Variants in ATAD1 observed in about 807,000 individuals in gnomAD.
The protein encoded by ATAD1 is outer mitochondrial transmembrane helix translocase.
In ATAD1, 18 loss-of-function variants were observed where a neutral mutation model predicts 42.7. The observed-to-expected ratio is 0.42, with a 90% confidence interval of 0.29 to 0.63. ATAD1 has a LOEUF of 0.63. Among genes scored for constraint, ATAD1 ranks in the 20% least tolerant of loss-of-function variants. The probability of loss-of-function intolerance (pLI) is 0.19; values close to 1 mark genes in which losing one functional copy is unlikely to be tolerated. For missense variants in ATAD1, 294 were observed against 440.4 expected (o/e 0.67, Z 2.98); for synonymous variants, 132 against 143.1 (o/e 0.92, Z 0.55).
At chr10:87,826,022 G>C (rs139877093) in intron 1 of ATAD1, among the ~76,000 whole-genome samples, 1 of 152,168 alleles carries the variant, frequency 6.6e-6, no homozygotes, top group African/African-American at 2.4e-5. Context: ...CTGATTTTAC[G>C]TGTTTAAGGA....
intron 5 of ATAD1, among the ~76,000 whole-genome samples, chr10:87,779,613 A>T (rs539600564): frequency 1.1e-4 from 16 of 152,184 alleles, no homozygotes; most frequent in South Asian, 4.1e-4. Flanking sequence ...ATAAAAAATT[A>T]AAAAATCAAA....
At chr10:87,768,303 A>G (rs761136483) in intron 7 of ATAD1, among the ~76,000 whole-genome samples, 1 of 152,208 alleles carries the variant, frequency 6.6e-6, no homozygotes, top group African/African-American at 2.4e-5. Flanking sequence ...AGAATCCCTC[A>G]GCTATATAGT....
intron 6 of ATAD1, among the ~76,000 whole-genome samples, chr10:87,774,301 T>A (rs1855188352): frequency 6.6e-6 from 1 of 152,232 alleles, no homozygotes; most frequent in South Asian, 2.1e-4. Context: ...GGTTAATTCC[T>A]CATAACAGTT....
intron 8 of ATAD1, among the ~76,000 whole-genome samples, chr10:87,767,206 G>C (rs928452788): frequency 6.6e-6 from 1 of 152,114 alleles, no homozygotes; most frequent in African/African-American, 2.4e-5. Context: ...TAGTTACTGA[G>C]TTACATAAGC....
At chr10:87,781,521 C>T (rs1855556977) in intron 5 of ATAD1, among the ~76,000 whole-genome samples, 1 of 152,196 alleles carries the variant, frequency 6.6e-6, no homozygotes, top group South Asian at 2.1e-4. Flanking sequence ...TCAATTGTAA[C>T]ATGCTATCCT....
chr10:87,804,674 T>C (rs1856843931), intron 2 of ATAD1, among the ~76,000 whole-genome samples: 1 of 152,188 alleles, frequency 6.6e-6, no homozygotes, highest in South Asian at 2.1e-4. Flanking sequence ...CCAGCCTATG[T>C]AGTCTAATTA....
At chr10:87,777,834 A>AC in intron 5 of ATAD1, among the ~76,000 whole-genome samples, 1 of 152,272 alleles carries the variant, frequency 6.6e-6, no homozygotes, top group Middle Eastern at 3.4e-3. Context: ...CAGCAAAAAC[A>AC]CATTACCATG....
chr10:87,816,301 C>A (rs940586625), intron 1 of ATAD1, among the ~76,000 whole-genome samples: 1 of 152,138 alleles, frequency 6.6e-6, no homozygotes, highest in Non-Finnish European at 1.5e-5. Context: ...ACAGTCACTT[C>A]TGAAGGATTT....
At chr10:87,755,477 T>C (rs938246650) in intron 9 of ATAD1, among the ~76,000 whole-genome samples, 1 of 152,126 alleles carries the variant, frequency 6.6e-6, no homozygotes. Context: ...AATATAAAAC[T>C]AGCCAGACTT....
chr10:87,791,027 T>C (rs1313524625), intron 3 of ATAD1, among the ~76,000 whole-genome samples: 1 of 63,308 alleles, frequency 1.6e-5, no homozygotes, highest in Non-Finnish European at 2.9e-5. Context: ...TCTACTAAAA[T>C]TACAAAAAAA....
At position 87,798,444 on chromosome 10, in the gene ATAD1, TAC is replaced by T. The variant is rs1404096393; in HGVS notation, c.163-5691_163-5690del. 2.0e-5 allele frequency among the ~76,000 whole-genome samples: 3 copies of T among 152,162 alleles called. No individual in the cohort carries two copies. The South Asian group carries it at 6.2e-4, about 31-fold the overall frequency. ...AGAACCCTAAGGTCGACCTACAAAC[TAC>T]AGAGTTGCTACGTTCTCTTTCTGTG... On this transcript the variant is annotated intron_variant, in intron 2 of 9. Transcript: ENST00000680024.
intron 7 of ATAD1, 146 bp from the exon 8 acceptor site, chr10:87,767,869 T>C (rs1854837548): frequency 1.5e-6 from 1 of 680,896 alleles, no homozygotes; most frequent in African/African-American, 1.8e-5. Flanking sequence ...TCAAAGCAAC[T>C]AGATTCAAGG....
At chr10:87,759,055 C>T (rs1011385570) in intron 8 of ATAD1, among the ~76,000 whole-genome samples, 4 of 152,088 alleles carry the variant, frequency 2.6e-5, no homozygotes, top group Admixed American at 1.3e-4. Flanking sequence ...TACCCCGTGA[C>T]ACAGAAGCTT....
intron 7 of ATAD1, among the ~76,000 whole-genome samples, chr10:87,768,132 T>C (rs1488164916): frequency 6.6e-6 from 1 of 152,178 alleles, no homozygotes; most frequent in African/African-American, 2.4e-5. Context: ...ACTTCTCAGT[T>C]CCTCCATTTC....
At chr10:87,838,822 G>T (rs1007369876) in intron 1 of ATAD1, among the ~76,000 whole-genome samples, 3 of 152,162 alleles carry the variant, frequency 2.0e-5, no homozygotes, top group African/African-American at 7.2e-5. Flanking sequence ...GGCCTCACCA[G>T]GAGTTAAATC....
intron 1 of ATAD1, among the ~76,000 whole-genome samples, chr10:87,839,406 A>G (rs1403743553): frequency 1.3e-5 from 2 of 152,248 alleles, no homozygotes; most frequent in Non-Finnish European, 2.9e-5. Flanking sequence ...ATCCTGTTAA[A>G]CTATAAGAAA....
At chr10:87,794,685 G>T (rs1413651132) in intron 2 of ATAD1, among the ~76,000 whole-genome samples, 1 of 152,170 alleles carries the variant, frequency 6.6e-6, no homozygotes, top group Admixed American at 6.5e-5. Context: ...AACAATGCCT[G>T]ATATGAGAAA....
chr10:87,819,423 C>T (rs925388173), upstream of ATAD1, among the ~76,000 whole-genome samples: 2 of 151,994 alleles, frequency 1.3e-5, no homozygotes, highest in African/African-American at 4.8e-5. Flanking sequence ...CCAGCCTGGG[C>T]GACAGAGCAA....
Position 87,832,375 on chromosome 10 carries a change from C to T in ATAD1, c.-14+8812G>A, listed in dbSNP as rs1589577904. The T allele has an allele frequency of 2.0e-5, 3 of 150,872 alleles. No homozygotes were observed. The East Asian group carries it at 5.9e-4, about 30-fold the overall frequency. 9.3% of individuals were successfully genotyped at this position (150,872 alleles called of 1,614,324 possible). ...TACCATTGCACTCCAGCCTGGGCAA[C>T]AGAGTGAGATCCTATCTCAGAAAAA... On this transcript the variant is annotated intron_variant, in intron 1 of 4. Coordinates refer to the ATAD1 transcript ENST00000495903.
Sources: allele counts gnomAD v4.1 joint callset (sites outside exome capture counted in the v4.1 genomes callset), GRCh38; gene constraint gnomAD v4.1.1; transcripts MANE v1.5; gene names NCBI Gene and HGNC (gene_info 2026-07-23, HGNC 2026-07-21).